The following RORA variants were observed in gnomAD, a reference collection of about 807,000 sequenced individuals.
The protein encoded by RORA is RAR related orphan receptor A.
RORA carries 7 observed loss-of-function variants against 69.5 expected under a neutral mutation model. The observed-to-expected ratio is 0.10, with a 90% CI of 0.06 to 0.19. The LOEUF (loss-of-function observed/expected upper bound fraction) is 0.19. RORA is among the 10% of genes least tolerant of loss of function. RORA has a pLI of 1.00. For synonymous variants in RORA, 261 were observed against 240.8 expected (o/e 1.08, Z -0.78); for missense variants, 457 against 663.0 (o/e 0.69, Z 3.41).
chr15:60,723,792 G>A (rs1168873732), intron 1 of RORA, among the ~76,000 whole-genome samples: 1 of 152,120 alleles, frequency 6.6e-6, no homozygotes, highest in Admixed American at 6.5e-5. Flanking sequence ...TGCTCTTGGG[G>A]CTTGGAGGCT....
At chr15:61,071,655 G>T in intron 1 of RORA, among the ~76,000 whole-genome samples, 1 of 62,392 alleles carries the variant, frequency 1.6e-5, no homozygotes, top group Non-Finnish European at 3.1e-5. Context: ...GGGGAGGGGT[G>T]GGGAGGGGTG....
chr15:60,571,758 T>C (rs1378443917), intron 2 of RORA, among the ~76,000 whole-genome samples: 1 of 152,216 alleles, frequency 6.6e-6, no homozygotes, highest in Non-Finnish European at 1.5e-5. Flanking sequence ...AATGCCCAGC[T>C]AGCTATGGGA....
chr15:60,492,808 G>A lies in RORA; in HGVS notation c.*4647C>T, dbSNP rs2065067562. ...CAGTGTTTTGAAACACAAGACTGAC[G>A]AGCACATCAAGTTCTAAACTCAACA... On this transcript the variant is annotated 3_prime_UTR_variant, in exon 11 of 11. Coordinates refer to ENST00000335670, the MANE Select transcript of RORA (RefSeq NM_134261.3). 1 of 152,060 alleles carries A rather than the reference G, an allele frequency of 6.6e-6. No homozygotes were observed. The highest frequency in any genetic ancestry group is 2.1e-4 in the South Asian group (1 of 4,818). The allele number at this position is 152,060 out of a possible 1,614,324, so 9.4% of individuals were successfully genotyped here.
At chr15:60,756,360 G>A (rs1416069605) in intron 1 of RORA, among the ~76,000 whole-genome samples, 2 of 152,194 alleles carry the variant, frequency 1.3e-5, no homozygotes, top group Non-Finnish European at 2.9e-5. Context: ...TGATTAAGTT[G>A]TCTGATTCTT....
chr15:61,122,508 G>A (rs1379840227), intron 1 of RORA, among the ~76,000 whole-genome samples: 1 of 152,066 alleles, frequency 6.6e-6, no homozygotes, highest in Non-Finnish European at 1.5e-5. Flanking sequence ...GGCAGAACTG[G>A]GTCTAGTAAA....
At chr15:60,555,795 T>C (rs996982496) in intron 2 of RORA, among the ~76,000 whole-genome samples, 1 of 152,148 alleles carries the variant, frequency 6.6e-6, no homozygotes, top group African/African-American at 2.4e-5. Context: ...CTGTCATCTG[T>C]TGAGCAAAAT....
chr15:61,047,347 G>A (rs79021569), intron 1 of RORA, among the ~76,000 whole-genome samples: 3,247 of 152,336 alleles, frequency 0.021, 58 homozygotes, highest in Non-Finnish European at 0.032. Context: ...ACTCTCAAAC[G>A]ATTTCAAAAG....
chr15:61,039,091 G>C (rs1217311379), intron 1 of RORA: 2 of 152,184 alleles, frequency 1.3e-5, no homozygotes, highest in African/African-American at 4.8e-5. Flanking sequence ...TGCTGTTTGG[G>C]GTTAGCTCGT....
intron 1 of RORA, among the ~76,000 whole-genome samples, chr15:61,013,734 G>C (rs1895171399): frequency 6.8e-6 from 1 of 147,714 alleles, no homozygotes; most frequent in Admixed American, 6.8e-5. Context: ...TTATTATCTG[G>C]TTCTCAAGTA....
At chr15:61,070,545 C>T (rs1595945014) in intron 1 of RORA, among the ~76,000 whole-genome samples, 6 of 152,322 alleles carry the variant, frequency 3.9e-5, no homozygotes, top group South Asian at 4.1e-4. Context: ...ATTTTTTCCA[C>T]GGAAATAAAA....
Position 60,861,128 on chromosome 15 carries a change from G to A in RORA, c.167-182442C>T, listed in dbSNP as rs74389388. On this transcript the variant is annotated intron_variant, in intron 1 of 10. Coordinates refer to ENST00000335670, the MANE Select transcript of RORA (RefSeq NM_134261.3). ...GTCAGCAATAAAACTGGATCCTAAA[G>A]AAACCATTCATGATGATATATCCTT... 7.5e-3 allele frequency among the ~76,000 whole-genome samples: 1,142 copies of A among 152,254 alleles called. 23 individuals carry two copies. The highest frequency in any genetic ancestry group is 0.026 in the African/African-American group (1,099 of 41,522).
intron 1 of RORA, among the ~76,000 whole-genome samples, chr15:60,723,736 A>G (rs2071322272): frequency 6.6e-6 from 1 of 152,202 alleles, no homozygotes; most frequent in Non-Finnish European, 1.5e-5. Flanking sequence ...CTATTCAAAT[A>G]ACAAATCAAG....
chr15:60,912,700 G>C (rs1225335518), intron 1 of RORA, among the ~76,000 whole-genome samples: 2 of 152,144 alleles, frequency 1.3e-5, no homozygotes, highest in Non-Finnish European at 2.9e-5. Context: ...CTTGCAGTGA[G>C]CCAAGATCGT....
At chr15:60,737,735 T>G (rs555737269) in intron 1 of RORA, among the ~76,000 whole-genome samples, 1 of 152,342 alleles carries the variant, frequency 6.6e-6, no homozygotes, top group African/African-American at 2.4e-5. Context: ...CTGCATTCCA[T>G]AGATTGTGTG....
intron 1 of RORA, among the ~76,000 whole-genome samples, chr15:61,043,425 A>G (rs1393559486): frequency 2.6e-5 from 4 of 152,216 alleles, no homozygotes; most frequent in Admixed American, 1.3e-4. Context: ...TAAAAATGAA[A>G]TGAGAGAAGG....
intron 1 of RORA, among the ~76,000 whole-genome samples, chr15:60,816,129 T>A (rs1003940809): frequency 7.8e-6 from 1 of 128,286 alleles, no homozygotes; most frequent in Non-Finnish European, 1.6e-5. Flanking sequence ...ACAGTATATG[T>A]ATTTATATAC....
chr15:61,081,149 C>T (rs879144491), intron 1 of RORA, among the ~76,000 whole-genome samples: 1 of 152,138 alleles, frequency 6.6e-6, no homozygotes, highest in African/African-American at 2.4e-5. Context: ...CCTCCTGCAC[C>T]GCTGGGAATC....
chr15:60,689,503 A>G (rs1216169413), intron 1 of RORA, among the ~76,000 whole-genome samples: 2 of 152,120 alleles, frequency 1.3e-5, no homozygotes, highest in Non-Finnish European at 2.9e-5. Context: ...AGTTTTAAAA[A>G]GGTTGTAACG....
At chr15:60,694,930 C>T (rs914311033) in intron 1 of RORA, among the ~76,000 whole-genome samples, 6 of 152,182 alleles carry the variant, frequency 3.9e-5, no homozygotes, top group African/African-American at 1.4e-4. Flanking sequence ...AACGTATGAA[C>T]AATTTGATCT....
Sources: allele counts gnomAD v4.1 joint callset (sites outside exome capture counted in the v4.1 genomes callset), GRCh38; gene constraint gnomAD v4.1.1; transcripts MANE v1.5; gene names NCBI Gene and HGNC (gene_info 2026-07-23, HGNC 2026-07-21).